The following ZNF322 variants were observed in gnomAD, a reference collection of about 807,000 sequenced individuals.
ZNF322 encodes zinc finger protein 322.
Under a neutral mutation model 18.3 loss-of-function variants are expected in ZNF322, and 1 was observed. That is an observed-to-expected ratio of 0.05 (90% confidence interval 0.02 to 0.26). The LOEUF (loss-of-function observed/expected upper bound fraction) is 0.26, where lower values mean the gene tolerates loss of function less well. Ranked by LOEUF, ZNF322 falls within the 10% of genes least tolerant of loss-of-function variation. The pLI, the probability that ZNF322 is intolerant of heterozygous loss-of-function variation, is 1.00. For missense variants in ZNF322, 36 were observed against 403.6 expected (o/e 0.09, Z 7.80); for synonymous variants, 17 against 130.7 (o/e 0.13, Z 5.93).
intron 2 of ZNF322, among the ~76,000 whole-genome samples, chr6:26,647,492 C>T (rs1214099779): frequency 6.6e-6 from 1 of 151,674 alleles, no homozygotes; most frequent in African/African-American, 2.4e-5. Context: ...AGAATAACCA[C>T]CGAAAAGAAA....
At chr6:26,658,714 T>G (rs1765825825) in intron 1 of ZNF322, 68 bp from the exon 2 acceptor site, 1 of 159,314 alleles carries the variant, frequency 6.3e-6, no homozygotes, top group African/African-American at 2.4e-5. Context: ...TTTCTAGAGC[T>G]GGCCTAGAAA....
chr6:26,648,964 G>GT (rs1263535531), intron 2 of ZNF322, among the ~76,000 whole-genome samples: 1 of 151,726 alleles, frequency 6.6e-6, no homozygotes, highest in Non-Finnish European at 1.5e-5. Context: ...CCTGCCACCT[G>GT]TTTTTTTCAA....
chr6:26,646,245 C>T (rs1057250460), intron 2 of ZNF322, among the ~76,000 whole-genome samples: 1 of 152,052 alleles, frequency 6.6e-6, no homozygotes, highest in East Asian at 1.9e-4. Context: ...ATGAGCTTAA[C>T]ACACCTATTA....
At chr6:26,652,721 T>A (rs546075924) in intron 2 of ZNF322, among the ~76,000 whole-genome samples, 1 of 151,860 alleles carries the variant, frequency 6.6e-6, no homozygotes, top group East Asian at 1.9e-4. Context: ...AGATACCCCA[T>A]AGAATGTACA....
chr6:26,650,884 A>G (rs1581495274), intron 2 of ZNF322, among the ~76,000 whole-genome samples: 1 of 152,208 alleles, frequency 6.6e-6, no homozygotes, highest in East Asian at 1.9e-4. Context: ...CAGATTCAAC[A>G]CAATCCCAGC....
At chr6:26,649,637 ATGTGTGTG>A (rs58521273) in intron 2 of ZNF322, among the ~76,000 whole-genome samples, 5,447 of 67,486 alleles carry the variant, frequency 0.081, 322 homozygotes, top group Admixed American at 0.1. Flanking sequence ...ATACATACAT[ATGTGTGTG>A]TGTGTGTGTG....
intron 3 of ZNF322, among the ~76,000 whole-genome samples, chr6:26,641,833 T>C (rs1243126155): frequency 1.3e-5 from 2 of 152,142 alleles, no homozygotes; most frequent in Non-Finnish European, 2.9e-5. Context: ...TGTCCAAGAT[T>C]TCCCCTCACT....
rs555070669 is a variant in ZNF322, at chr6:26,655,683, CAG to C, written c.-246+2873_-246+2874del. On this transcript the variant is annotated intron_variant, in intron 2 of 3. Transcript: ENST00000415922. ...TCCCCAATTCAATGATGTCGGGAAA[CAG>C]ATCCTAATGGGAGGTATGTAGGTAA... Among the ~76,000 whole-genome samples the C allele has an allele frequency of 1.0e-3, 156 of 152,290 alleles. 1 individual carries two copies. The highest frequency in any genetic ancestry group is 1.7e-3 in the Non-Finnish European group (117 of 68,024).
chr6:26,656,108 T>C (rs559376792), intron 2 of ZNF322, among the ~76,000 whole-genome samples: 13 of 152,340 alleles, frequency 8.5e-5, no homozygotes, highest in African/African-American at 3.1e-4. Context: ...TATCTGTACT[T>C]ATTCAAAATT....
At chr6:26,656,911 T>C (rs1765782649) in intron 2 of ZNF322, among the ~76,000 whole-genome samples, 1 of 152,170 alleles carries the variant, frequency 6.6e-6, no homozygotes, top group African/African-American at 2.4e-5. Context: ...AAGCTTTTTT[T>C]AGATGTCAAC....
chr6:26,644,651 CT>C (rs1231524841), intron 2 of ZNF322, among the ~76,000 whole-genome samples: 6 of 151,904 alleles, frequency 3.9e-5, no homozygotes, highest in African/African-American at 1.5e-4. Flanking sequence ...GATTTTATTT[CT>C]TTTTTTTCCC....
chr6:26,652,938 G>A (rs2451717), intron 2 of ZNF322, among the ~76,000 whole-genome samples: 123,193 of 152,004 alleles, frequency 0.81, 50,261 homozygotes, highest in African/African-American at 0.89. Context: ...TTTTTGCTCA[G>A]TTTTGCTATG....
At chr6:26,647,848 G>A (rs1554148847) in intron 2 of ZNF322, among the ~76,000 whole-genome samples, 1 of 149,618 alleles carries the variant, frequency 6.7e-6, no homozygotes, top group African/African-American at 2.5e-5. Flanking sequence ...GATGAAGAGA[G>A]CATAAAAAAA....
chr6:26,638,590 C>CAGAAA lies in ZNF322; in HGVS notation c.-38_-37insTTTCT, dbSNP rs782046720. On this transcript the variant is annotated 5_prime_UTR_variant, in exon 4 of 4. An upstream open reading frame in the 5' UTR gains an earlier in-frame stop. Coordinates refer to ENST00000415922, the MANE Select transcript of ZNF322 (RefSeq NM_024639.5). ...CTCTCCTAGGGAGTTTTCCGCTGGT[C>CAGAAA]TTCTTGACCCATCGTTGCCCTCACA... 3.6e-5 allele frequency: 53 copies of CAGAAA among 1,478,602 alleles called. No individual in the cohort carries two copies. Among genetic ancestry groups the CAGAAA allele is most frequent in the Non-Finnish European group, 4.6e-5 (50 of 1,085,562 alleles). The allele number at this position is 1,478,602 out of a possible 1,614,324, so 91.6% of individuals were successfully genotyped here.
rs1765849458 is a variant in ZNF322, at chr6:26,659,664, G to T, written c.-558C>A. 1 of 164,560 alleles carries T rather than the reference G, an allele frequency of 6.1e-6. No homozygotes were observed. Among genetic ancestry groups the T allele is most frequent in the Non-Finnish European group, 1.5e-5 (1 of 68,320 alleles). The allele number at this position is 164,560 out of a possible 1,614,324, so 10.2% of individuals were successfully genotyped here. On this transcript the variant is annotated 5_prime_UTR_variant, in exon 1 of 4. Transcript: ENST00000415922. ...GTTGGGGCCAGGCCGCCCACAGAGC[G>T]CTTTAACAGAGCGCTTCAAGGGCCC...
intron 2 of ZNF322, among the ~76,000 whole-genome samples, chr6:26,650,245 A>G (rs1452257521): frequency 6.6e-6 from 1 of 152,174 alleles, no homozygotes; most frequent in Non-Finnish European, 1.5e-5. Context: ...TAATTAGAGA[A>G]ATGCAAATTA....
At position 26,658,157 on chromosome 6, in the gene ZNF322, G is replaced by A. The variant is rs148406795; in HGVS notation, c.-246+401C>T. Among the ~76,000 whole-genome samples, 774 of 152,170 alleles carry A rather than the reference G, an allele frequency of 5.1e-3. 8 individuals carry two copies. Among genetic ancestry groups the A allele is most frequent in the African/African-American group, 0.016 (665 of 41,544 alleles). ...CCCTATGAAATAGGTATTAATACCA[G>A]TGTTTGGATCTTATAGATGGAAAAC... is the stretch of plus-strand genomic sequence containing the variant. On this transcript the variant is annotated intron_variant, in intron 2 of 3. Coordinates refer to ENST00000415922, the MANE Select transcript of ZNF322 (RefSeq NM_024639.5).
rs1554149975 is a variant in ZNF322 at position 26,659,490 on chromosome 6, TACTCTCCGG to T, written c.-393_-385del. On this transcript the variant is annotated 5_prime_UTR_variant, in exon 1 of 4. Transcript: ENST00000415922. ...TAGGCCTGGGGACAGCACTTCCGGT[TACTCTCCGG>T]ACACTCGAATCTGGGCTTCCTGGCG... The T allele has an allele frequency of 6.0e-6, 1 of 166,730 alleles. No individual in the cohort carries two copies. Among genetic ancestry groups the T allele is most frequent in the African/African-American group, 2.4e-5 (1 of 41,444 alleles). 10.3% of individuals were successfully genotyped at this position (166,730 alleles called of 1,614,324 possible). A position where few individuals can be genotyped will look rare whatever the true frequency, so the allele number is the denominator to read the frequency against.
intron 3 of ZNF322, among the ~76,000 whole-genome samples, chr6:26,642,368 G>A (rs1765480957): frequency 6.6e-6 from 1 of 152,080 alleles, no homozygotes; most frequent in African/African-American, 2.4e-5. Flanking sequence ...GGTCCCCTGG[G>A]CCCACTTTTC....
Sources: allele counts gnomAD v4.1 joint callset (sites outside exome capture counted in the v4.1 genomes callset), GRCh38; gene constraint gnomAD v4.1.1; transcripts MANE v1.5; gene names NCBI Gene and HGNC (gene_info 2026-07-23, HGNC 2026-07-21).